SPECC1L: variants seen among roughly 807,000 people sequenced by gnomAD.
The protein encoded by SPECC1L is sperm antigen with calponin homology and coiled-coil domains 1 like, also known as cytospin-A.
Under a neutral mutation model 116.8 loss-of-function variants are expected in SPECC1L, and 40 were observed. The observed-to-expected ratio is 0.34, with a 90% CI of 0.27 to 0.45. The LOEUF is 0.45. Ranked by LOEUF, SPECC1L falls within the 20% of genes least tolerant of loss-of-function variation. The probability of loss-of-function intolerance (pLI) is 1.00; values close to 1 mark genes in which losing one functional copy is unlikely to be tolerated. For synonymous variants in SPECC1L, 504 were observed against 500.6 expected, an observed-to-expected ratio of 1.01 and a Z score of -0.09; for missense variants, 1,110 against 1,373.6, an observed-to-expected ratio of 0.81 and a Z score of 3.03.
intron 14 of SPECC1L, among the ~76,000 whole-genome samples, chr22:24,374,895 GAA>G (rs920877261): frequency 2.7e-5 from 4 of 148,114 alleles, no homozygotes; most frequent in African/African-American, 9.9e-5. Flanking sequence ...GAAGATCAAT[GAA>G]AAAAAAATGG....
At chr22:24,350,718 C>G (rs1028196324) in intron 11 of SPECC1L, among the ~76,000 whole-genome samples, 14 of 152,202 alleles carry the variant, frequency 9.2e-5, no homozygotes, top group African/African-American at 3.4e-4. Context: ...AACGTTTCCA[C>G]TCTGCTGCTT....
rs1301475054 is a variant in SPECC1L at position 24,298,201 on chromosome 22, A to AAT, written c.-37-3993_-37-3992dup. Among the ~76,000 whole-genome samples the AAT allele has an allele frequency of 2.6e-5, 4 of 152,270 alleles. 1 individual carries two copies. The South Asian group carries it at 8.3e-4, about 32-fold the overall frequency. On this transcript the variant is annotated intron_variant, in intron 2 of 16. Transcript: ENST00000314328. The stretch of plus-strand genomic sequence containing the variant: ...GATGATTTTTGTCCACCTATAGGTT[A>AAT]ATGTAAGTGGTCTGAGCATGTTTAA...
intron 3 of SPECC1L, among the ~76,000 whole-genome samples, chr22:24,303,847 G>A (rs1266971002): frequency 7.6e-5 from 2 of 26,466 alleles, no homozygotes; most frequent in Admixed American, 6.9e-4. Flanking sequence ...TAAATAGGGT[G>A]TGTGTGTGTG....
chr22:24,317,321 C>A (rs544432327), intron 4 of SPECC1L, among the ~76,000 whole-genome samples: 1 of 122,504 alleles, frequency 8.2e-6, no homozygotes, highest in African/African-American at 2.9e-5. Flanking sequence ...GCTGACCCCC[C>A]CCACCTCCCT....
intron 2 of SPECC1L, among the ~76,000 whole-genome samples, chr22:24,285,611 T>C (rs5751838): frequency 0.55 from 84,154 of 151,866 alleles, 23,666 homozygotes; most frequent in African/African-American, 0.64. Flanking sequence ...AGTGTTATGA[T>C]CTAAAACAAT....
intron 9 of SPECC1L, among the ~76,000 whole-genome samples, chr22:24,336,217 C>A (rs6004137): frequency 1.2e-3 from 186 of 152,032 alleles, no homozygotes; most frequent in African/African-American, 4.0e-3. Flanking sequence ...GCTCTGTGCG[C>A]TGCAATCCTT....
At chr22:24,280,937 T>C (rs1374593024) in intron 2 of SPECC1L, among the ~76,000 whole-genome samples, 4 of 152,106 alleles carry the variant, frequency 2.6e-5, no homozygotes, top group African/African-American at 9.7e-5. Context: ...TGCAAAACAT[T>C]CTTAGTTTTT....
chr22:24,298,197 G>A (rs1245533723), intron 2 of SPECC1L, among the ~76,000 whole-genome samples: 2 of 152,096 alleles, frequency 1.3e-5, no homozygotes, highest in Non-Finnish European at 2.9e-5. Context: ...TCCACCTATA[G>A]GTTAATGTAA....
intron 11 of SPECC1L, among the ~76,000 whole-genome samples, chr22:24,350,784 G>A (rs1228740862): frequency 1.3e-5 from 2 of 152,174 alleles, no homozygotes; most frequent in Non-Finnish European, 2.9e-5. Context: ...TTCAGTCTGC[G>A]TTAAGTGTGG....
intron 11 of SPECC1L, among the ~76,000 whole-genome samples, chr22:24,360,150 A>G (rs566979719): frequency 3.9e-5 from 6 of 152,356 alleles, no homozygotes; most frequent in African/African-American, 1.4e-4. Flanking sequence ...TAAACATAAT[A>G]TCTCCTGCCT....
At chr22:24,370,081 A>T (rs1556296376) in intron 14 of SPECC1L, among the ~76,000 whole-genome samples, 1 of 152,220 alleles carries the variant, frequency 6.6e-6, no homozygotes, top group Non-Finnish European at 1.5e-5. Flanking sequence ...TTCACATTAG[A>T]CTTCATCTCA....
In SPECC1L at chr22:24,416,511, C is replaced by G. The variant is rs2042804111; in HGVS notation, c.*1888C>G. The G allele has an allele frequency of 6.6e-6, 1 of 152,310 alleles. No homozygotes were observed. Among genetic ancestry groups the G allele is most frequent in the African/African-American group, 2.4e-5 (1 of 41,462 alleles). The allele number at this position is 152,310 out of a possible 1,614,324, so 9.4% of individuals were successfully genotyped here. On this transcript the variant is annotated 3_prime_UTR_variant, in exon 17 of 17. Transcript: ENST00000314328. Reference sequence around the variant, plus strand: ...TGAGAATTACTGTTTTTAAGTGTCTCTCCACTTAGGTGTCCTCAGTTCCCA... The same window carrying G: ...TGAGAATTACTGTTTTTAAGTGTCTGTCCACTTAGGTGTCCTCAGTTCCCA...
intron 11 of SPECC1L, among the ~76,000 whole-genome samples, chr22:24,352,036 A>T (rs1222850242): frequency 1.1e-4 from 17 of 149,680 alleles, no homozygotes; most frequent in East Asian, 4.0e-4. Flanking sequence ...TTTTTTTTTT[A>T]AATCTATTAT....
intron 14 of SPECC1L, among the ~76,000 whole-genome samples, chr22:24,386,692 C>T (rs781341066): frequency 5.9e-5 from 9 of 152,184 alleles, no homozygotes; most frequent in Non-Finnish European, 1.5e-5. Context: ...CAAGCTCCAC[C>T]TCCCAGGTTC....
At chr22:24,299,927 T>C (rs2049343346) in intron 2 of SPECC1L, among the ~76,000 whole-genome samples, 1 of 152,214 alleles carries the variant, frequency 6.6e-6, no homozygotes, top group Non-Finnish European at 1.5e-5. Flanking sequence ...TATATTCTTT[T>C]TATCTCTATA....
In SPECC1L at chr22:24,365,478, T is replaced by C. The variant is rs202132047; in HGVS notation, c.2830T>C (p.Ser944Pro). 6.2e-7 allele frequency: 1 copy of C among 1,613,960 alleles called. No homozygotes were observed. Among genetic ancestry groups the C allele is most frequent in the African/African-American group, 1.3e-5 (1 of 74,924 alleles). ...AMESAKTLSV[S>P]RRSSEEVKRD... Reference sequence around the variant, plus strand: ...TGCATAATGACTATTTCTCACAGTGTCTCGACGAAGTAGTGAAGAAGTGAA... The same window carrying C: ...TGCATAATGACTATTTCTCACAGTGCCTCGACGAAGTAGTGAAGAAGTGAA... Residue 944 changes from serine to proline, a missense_variant and splice_region_variant, in exon 13 of 17, where the codon TCT becomes CCT. Ser to Pro is a moderately conservative substitution (Grantham distance 74). Around this residue, in one of 4 missense-constraint regions of SPECC1L, gnomAD observed 575 missense variants for 682.4 expected, o/e 0.84. Transcript: ENST00000314328.
chr22:24,398,195 G>T, intron 14 of SPECC1L, among the ~76,000 whole-genome samples: 1 of 152,232 alleles, frequency 6.6e-6, no homozygotes, highest in South Asian at 2.1e-4. Context: ...GTTGTAGAAG[G>T]TGGAATCAAC....
Position 24,345,689 on chromosome 22 carries a change from G to T in SPECC1L, c.2653-1397G>T, listed in dbSNP as rs537520501. The stretch of plus-strand genomic sequence containing the variant: ...AACATCATTAGTCATCAGGAAAATG[G>T]AAATTAAATCCACAATGAGATCCTA... On this transcript the variant is annotated intron_variant, in intron 10 of 16. Transcript: ENST00000314328. Among the ~76,000 whole-genome samples the T allele has an allele frequency of 7.3e-4, 111 of 152,248 alleles. 1 individual carries two copies. Among genetic ancestry groups the T allele is most frequent in the Admixed American group, 1.8e-3 (27 of 15,292 alleles).
chr22:24,278,808 T>C (rs1413515078), intron 2 of SPECC1L, among the ~76,000 whole-genome samples: 24 of 152,170 alleles, frequency 1.6e-4, no homozygotes, highest in Non-Finnish European at 2.9e-4. Flanking sequence ...TATTAGTCAC[T>C]TTGCAGGTGA....
Sources: gnomAD v4.1 joint callset for allele counts (sites outside exome capture counted in the v4.1 genomes callset) on GRCh38, gnomAD v4.1.1 for gene constraint, gnomAD v4.1.1 regional missense constraint, MANE v1.5 for transcripts, NCBI Gene and HGNC (gene_info 2026-07-23, HGNC 2026-07-21) for gene names.